Variants in NFYC observed in about 807,000 individuals in gnomAD.
NFYC encodes CAAT box DNA-binding protein subunit C.
NFYC carries 25 observed loss-of-function variants against 53.1 expected under a neutral mutation model. That is an observed-to-expected ratio of 0.47 (90% CI 0.34 to 0.66). The LOEUF is 0.66. Ranked by LOEUF, NFYC falls within the 30% of genes least tolerant of loss-of-function variation. NFYC has a pLI of 0.01. For synonymous variants in NFYC, 145 were observed against 152.6 expected (o/e 0.95, Z 0.37); for missense variants, 260 against 422.7 (o/e 0.62, Z 3.38).
intron 5 of NFYC, among the ~76,000 whole-genome samples, chr1:40,757,735 T>A (rs1432447946): frequency 6.6e-6 from 1 of 152,202 alleles, no homozygotes; most frequent in Non-Finnish European, 1.5e-5. Flanking sequence ...AGAGGCATGA[T>A]GTTTGGGTAG....
Position 40,766,561 on chromosome 1 carries a change from G to A in NFYC, c.721-35G>A, listed in dbSNP as rs1411445255. The A allele has an allele frequency of 6.6e-6, 10 of 1,504,110 alleles. No homozygotes were observed. The East Asian group carries it at 2.3e-4, about 34-fold the overall frequency. The allele number at this position is 1,504,110 out of a possible 1,614,324, so 93.2% of individuals were successfully genotyped here. A position where few individuals can be genotyped will look rare whatever the true frequency, so the allele number is the denominator to read the frequency against. On this transcript the variant is annotated intron_variant, in intron 7 of 9. Coordinates refer to ENST00000447388, the MANE Select transcript of NFYC (RefSeq NM_014223.5). ...TTGCCTGTTTGAGATTATACTCAAT[G>A]TCTTATGGTCTCTTTGTCTCTGCCC...
At chr1:40,739,120 G>GT (rs1645207084) in intron 2 of NFYC, among the ~76,000 whole-genome samples, 172 bp downstream of exon 2, 1 of 152,182 alleles carries the variant, frequency 6.6e-6, no homozygotes, top group Non-Finnish European at 1.5e-5. Context: ...CTTCCGTGAG[G>GT]TAACTGCAAG....
intron 1 of NFYC, among the ~76,000 whole-genome samples, chr1:40,736,855 G>C (rs540332330): frequency 7.5e-5 from 11 of 147,536 alleles, no homozygotes; most frequent in African/African-American, 2.7e-4. Flanking sequence ...GGCTGGGCGC[G>C]GTGGCTCACG....
chr1:40,764,233 G>A (rs781756015), intron 7 of NFYC, among the ~76,000 whole-genome samples: 11 of 152,198 alleles, frequency 7.2e-5, no homozygotes, highest in Non-Finnish European at 1.2e-4. Flanking sequence ...TGAAACGTAG[G>A]CAGGTATAGA....
chr1:40,740,589 T>C (rs757895432), intron 2 of NFYC, among the ~76,000 whole-genome samples: 1 of 152,230 alleles, frequency 6.6e-6, no homozygotes, highest in African/African-American at 2.4e-5. Flanking sequence ...TGAAAAGTCA[T>C]TGTTCCTCTT....
chr1:40,708,890 A>G (rs1011797798), intron 1 of NFYC, among the ~76,000 whole-genome samples: 2 of 152,214 alleles, frequency 1.3e-5, no homozygotes, highest in Admixed American at 6.5e-5. Context: ...GTCTATTGCC[A>G]TAGGATACCG....
rs1182654242 is a variant in NFYC at position 40,770,077 on chromosome 1, CT to C, written c.889-628del. ...TGCCAGGGCTCCCATGAGGGCTTGG[CT>C]TTTGGCTTCTTTGGGGAGCGCCTGG... On this transcript the variant is annotated intron_variant, in intron 9 of 9. Coordinates refer to ENST00000447388, the MANE Select transcript of NFYC (RefSeq NM_014223.5). This position sits in a 1 kb window ranked among gnomAD's most constrained non-coding sequence, Gnocchi z 5.3. Among the ~76,000 whole-genome samples, 2 of 152,148 alleles carry C rather than the reference CT, an allele frequency of 1.3e-5. No homozygotes were observed. The highest frequency in any genetic ancestry group is 4.8e-5 in the African/African-American group (2 of 41,436).
intron 1 of NFYC, among the ~76,000 whole-genome samples, chr1:40,715,405 A>C (rs1414283654): frequency 6.6e-6 from 1 of 151,764 alleles, no homozygotes; most frequent in Non-Finnish European, 1.5e-5. Flanking sequence ...CAAAAAACAA[A>C]AACTTTTTTT....
At chr1:40,760,011 A>T (rs1646459761) in intron 6 of NFYC, among the ~76,000 whole-genome samples, 1 of 152,214 alleles carries the variant, frequency 6.6e-6, no homozygotes, top group Non-Finnish European at 1.5e-5. Context: ...GCTGGAGTGT[A>T]GTAGCACAAT....
At chr1:40,731,397 A>G (rs1246002764) in intron 1 of NFYC, among the ~76,000 whole-genome samples, 3 of 149,852 alleles carry the variant, frequency 2.0e-5, no homozygotes. Context: ...CTGGTCTTGA[A>G]CTCCTGACCT....
intron 1 of NFYC, among the ~76,000 whole-genome samples, chr1:40,696,399 T>C (rs1294539207): frequency 1.3e-5 from 2 of 152,122 alleles, no homozygotes; most frequent in Non-Finnish European, 2.9e-5. Context: ...TAGAATGTTA[T>C]GGGAAAAGAA....
intron 8 of NFYC, among the ~76,000 whole-genome samples, chr1:40,767,472 T>C (rs1485229357): frequency 2.0e-5 from 3 of 152,202 alleles, no homozygotes; most frequent in African/African-American, 4.8e-5. Context: ...GCAAGGCTTC[T>C]GAGTTCCATA....
rs759739005 is a variant in NFYC, at chr1:40,770,620, C to T, written c.889-89C>T. ...TTGCAGTGGGTGGTGGTTGAGGTAT[C>T]TGGGACCCCCAACCAGCTCGAGACC... On this transcript the variant is annotated intron_variant, in intron 9 of 9. Transcript: ENST00000447388. This position sits in a 1 kb window ranked among gnomAD's most constrained non-coding sequence, Gnocchi z 5.3. The T allele has an allele frequency of 2.4e-5, 38 of 1,613,974 alleles. No individual in the cohort carries two copies. In the Admixed American group the frequency reaches 6.0e-4, roughly 25 times the overall value.
At chr1:40,731,829 A>T (rs1459042524) in intron 1 of NFYC, among the ~76,000 whole-genome samples, 1 of 152,170 alleles carries the variant, frequency 6.6e-6, no homozygotes, top group Non-Finnish European at 1.5e-5. Context: ...TGTATAGTTC[A>T]TACTTATTTC....
At chr1:40,731,785 C>T (rs1250273287) in intron 1 of NFYC, among the ~76,000 whole-genome samples, 12 of 152,248 alleles carry the variant, frequency 7.9e-5, no homozygotes, top group African/African-American at 1.9e-4. Flanking sequence ...CGCCTGGCCC[C>T]GGCCTTTATT....
rs137914695 is a variant in NFYC at position 40,717,863 on chromosome 1, G to A, written c.-8-20973G>A. Among the ~76,000 whole-genome samples, 161 of 152,260 alleles carry A rather than the reference G, an allele frequency of 1.1e-3. 2 individuals are homozygous for A. The East Asian group carries it at 0.028, about 26-fold the overall frequency. On this transcript the variant is annotated intron_variant, in intron 1 of 9. Coordinates refer to ENST00000447388, the MANE Select transcript of NFYC (RefSeq NM_014223.5). The stretch of plus-strand genomic sequence containing the variant: ...GCATTTGCTGAGCAAGTAATTTATA[G>A]CCCACATGATCATTGTAGCACCAAT...
At chr1:40,753,783 A>G (rs1570654212) in intron 5 of NFYC, among the ~76,000 whole-genome samples, 1 of 152,328 alleles carries the variant, frequency 6.6e-6, no homozygotes, top group South Asian at 2.1e-4. Context: ...GATGGAGCCC[A>G]GGCATCAGTA....
chr1:40,730,518 A>G lies in NFYC; in HGVS notation c.-8-8318A>G, dbSNP rs545691184. The G allele has an allele frequency of 6.5e-5, 64 of 980,314 alleles. 1 individual carries two copies. Among genetic ancestry groups the G allele is most frequent in the South Asian group, 6.1e-4 (13 of 21,200 alleles). 60.7% of individuals were successfully genotyped at this position (980,314 alleles called of 1,614,324 possible). ...GTGAAGCACAATAAAGTGAAATGCA[A>G]TAAAACAAGGTATAGTTGTAAAAAG... On this transcript the variant is annotated intron_variant, in intron 1 of 9. Transcript: ENST00000447388.
At chr1:40,729,678 T>TC (rs1453004388) in intron 1 of NFYC, among the ~76,000 whole-genome samples, 1 of 151,544 alleles carries the variant, frequency 6.6e-6, no homozygotes, top group Non-Finnish European at 1.5e-5. Flanking sequence ...CCATCTCAGC[T>TC]CTTTTTTTTT....
Sources: gnomAD v4.1 joint callset for allele counts (sites outside exome capture counted in the v4.1 genomes callset) on GRCh38, gnomAD v4.1.1 for gene constraint, Gnocchi (gnomAD v3.1) non-coding constraint, MANE v1.5 for transcripts, NCBI Gene and HGNC (gene_info 2026-07-23, HGNC 2026-07-21) for gene names.